The following DIAPH3 variants were observed in gnomAD, a reference collection of about 807,000 sequenced individuals.
The protein encoded by DIAPH3 is diaphanous related formin 3.
Under a neutral mutation model 144.3 loss-of-function variants are expected in DIAPH3, and 117 were observed. The ratio of observed to expected loss-of-function variants is 0.81; its 90% CI spans 0.70 to 0.95. The LOEUF (loss-of-function observed/expected upper bound fraction) is 0.95. Ranked by LOEUF, DIAPH3 falls within the 40% of genes least tolerant of loss-of-function variation. The probability of loss-of-function intolerance (pLI) is 0.00; values close to 1 mark genes in which losing one functional copy is unlikely to be tolerated. For synonymous variants in DIAPH3, 519 were observed against 488.9 expected (o/e 1.06, Z -0.81); for missense variants, 1,421 against 1,412.7 (o/e 1.01, Z -0.09).
At chr13:59,899,181 T>C (rs2046297926) in intron 20 of DIAPH3, among the ~76,000 whole-genome samples, 1 of 152,178 alleles carries the variant, frequency 6.6e-6, no homozygotes, top group Non-Finnish European at 1.5e-5. Context: ...TTGGGACTCC[T>C]ACTGGCTTCC....
chr13:59,897,382 A>G (rs1241700589), intron 20 of DIAPH3, among the ~76,000 whole-genome samples: 6 of 152,256 alleles, frequency 3.9e-5, no homozygotes, highest in African/African-American at 7.2e-5. Context: ...AAGCATATAC[A>G]TAAAACATGC....
chr13:59,747,077 A>C (rs974671749), intron 27 of DIAPH3, among the ~76,000 whole-genome samples: 2 of 152,254 alleles, frequency 1.3e-5, no homozygotes, highest in Non-Finnish European at 2.9e-5. Context: ...AATAATTCAG[A>C]TAACATCACT....
chr13:59,711,335 GT>G (rs950395522), intron 27 of DIAPH3, among the ~76,000 whole-genome samples: 11 of 151,420 alleles, frequency 7.3e-5, no homozygotes, highest in East Asian at 1.9e-4. Context: ...CTAACAGCAG[GT>G]TTTTTTTTCC....
In DIAPH3 at chr13:59,769,773, G is replaced by A. The variant is rs373784452; in HGVS notation, c.3319+4416C>T. ...CCCGCAATATACTTCTTCCCCATCT[G>A]GTACCTTAAACTGGGCCAGCTGATT... On this transcript the variant is annotated intron_variant, in intron 27 of 27. Coordinates refer to ENST00000400324, the MANE Select transcript of DIAPH3 (RefSeq NM_001042517.2). Among the ~76,000 whole-genome samples the A allele has an allele frequency of 2.3e-4, 35 of 151,684 alleles. No individual in the cohort carries two copies. The East Asian group carries it at 2.3e-3, about 10-fold the overall frequency.
intron 4 of DIAPH3, among the ~76,000 whole-genome samples, chr13:60,068,352 A>T (rs1487313490): frequency 6.6e-6 from 1 of 152,192 alleles, no homozygotes; most frequent in Non-Finnish European, 1.5e-5. Flanking sequence ...TTTTTTCTCC[A>T]CTAGAAAAGT....
intron 2 of DIAPH3, among the ~76,000 whole-genome samples, chr13:60,113,810 T>C (rs1378473803): frequency 6.6e-6 from 1 of 152,202 alleles, no homozygotes; most frequent in African/African-American, 2.4e-5. Context: ...GAAATATTGA[T>C]AGCTGCATGG....
intron 17 of DIAPH3, among the ~76,000 whole-genome samples, chr13:59,947,953 T>C (rs1327515543): frequency 6.6e-6 from 1 of 152,160 alleles, no homozygotes; most frequent in Admixed American, 6.5e-5. Context: ...TTTGCCATAA[T>C]GCAATAAAAA....
At chr13:60,110,683 G>A (rs2058543071) in intron 3 of DIAPH3, among the ~76,000 whole-genome samples, 1 of 152,144 alleles carries the variant, frequency 6.6e-6, no homozygotes, top group Non-Finnish European at 1.5e-5. Context: ...GCCCTGAGAA[G>A]GCAACAATTT....
Position 59,970,848 on chromosome 13 carries a change from T to C in DIAPH3, c.1959+4A>G. On this transcript the variant is annotated splice_donor_region_variant and intron_variant, in intron 16 of 27. Coordinates refer to ENST00000400324, the MANE Select transcript of DIAPH3 (RefSeq NM_001042517.2). ...AAGTATTTTCCTCTATTAATTTCTT[T>C]TACCTTTAACCAATTCAATCTTCTC... is the stretch of plus-strand genomic sequence containing the variant. 1.2e-6 allele frequency: 2 copies of C among 1,609,856 alleles called. No individual in the cohort carries two copies. Among genetic ancestry groups the C allele is most frequent in the Non-Finnish European group, 1.7e-6 (2 of 1,177,898 alleles).
intron 24 of DIAPH3, among the ~76,000 whole-genome samples, chr13:59,819,632 CA>C (rs1002766147): frequency 2.0e-5 from 3 of 150,054 alleles, no homozygotes; most frequent in Middle Eastern, 6.8e-3. Context: ...AACAAACAAA[CA>C]AAAAAAGGGT....
At chr13:59,973,704 CTA>C (rs2050517202) in intron 15 of DIAPH3, among the ~76,000 whole-genome samples, 1 of 152,056 alleles carries the variant, frequency 6.6e-6, no homozygotes, top group African/African-American at 2.4e-5. Flanking sequence ...AATAGCAAAA[CTA>C]TACTTATTGC....
At chr13:59,691,322 T>C (rs2033507953) in intron 27 of DIAPH3, among the ~76,000 whole-genome samples, 1 of 152,166 alleles carries the variant, frequency 6.6e-6, no homozygotes, top group Non-Finnish European at 1.5e-5. Flanking sequence ...TCATTAGTCT[T>C]GTTTTTTATC....
chr13:59,997,296 T>C (rs2052264329), intron 9 of DIAPH3, among the ~76,000 whole-genome samples: 1 of 152,092 alleles, frequency 6.6e-6, no homozygotes, highest in Non-Finnish European at 1.5e-5. Context: ...AGTGAGAACA[T>C]GTGATATTTG....
intron 5 of DIAPH3, among the ~76,000 whole-genome samples, chr13:60,021,461 C>T (rs1176782537): frequency 6.6e-6 from 1 of 152,020 alleles, no homozygotes; most frequent in Non-Finnish European, 1.5e-5. Flanking sequence ...CCCGTTTCTA[C>T]TAAAAATACA....
chr13:59,948,280 A>G (rs968494063), intron 17 of DIAPH3, among the ~76,000 whole-genome samples: 1 of 152,190 alleles, frequency 6.6e-6, no homozygotes, highest in African/African-American at 2.4e-5. Context: ...CCTTGGCTGT[A>G]CAATTCTTTG....
intron 4 of DIAPH3, among the ~76,000 whole-genome samples, chr13:60,091,151 AG>A (rs1394088710): frequency 7.2e-5 from 11 of 152,368 alleles, no homozygotes; most frequent in African/African-American, 2.4e-4. Context: ...ATTCCCTAAC[AG>A]GGTAGTCTTC....
intron 27 of DIAPH3, among the ~76,000 whole-genome samples, chr13:59,727,056 G>A (rs564062312): frequency 5.3e-5 from 8 of 152,038 alleles, no homozygotes; most frequent in African/African-American, 1.9e-4. Flanking sequence ...TCCTTATCAT[G>A]TCTTTCAATG....
chr13:59,911,701 A>G (rs1277647323), intron 20 of DIAPH3, 34 bp downstream of exon 20: 2 of 1,485,272 alleles, frequency 1.3e-6, no homozygotes, highest in Admixed American at 3.3e-5. Flanking sequence ...TGTTTGGCAC[A>G]GTATAAAAAT....
chr13:60,154,000 G>A (rs1951914021), intron 1 of DIAPH3, among the ~76,000 whole-genome samples: 1 of 152,054 alleles, frequency 6.6e-6, no homozygotes, highest in Admixed American at 6.5e-5. Flanking sequence ...TGACCATTCA[G>A]TCATCAGATC....
Sources: gnomAD v4.1 joint callset for allele counts (sites outside exome capture counted in the v4.1 genomes callset) on GRCh38, gnomAD v4.1.1 for gene constraint, MANE v1.5 for transcripts, NCBI Gene and HGNC (gene_info 2026-07-23, HGNC 2026-07-21) for gene names.